DNAH5: variants seen among roughly 807,000 people sequenced by gnomAD.
DNAH5 encodes axonemal beta dynein heavy chain 5.
In DNAH5, 372 loss-of-function variants were observed where a neutral mutation model predicts 518.2. That is an observed-to-expected ratio of 0.72 (90% CI 0.66 to 0.78). The LOEUF (loss-of-function observed/expected upper bound fraction) is 0.78, where lower values mean the gene tolerates loss of function less well. DNAH5 is among the 30% of genes least tolerant of loss of function. The probability of loss-of-function intolerance (pLI) is 0.00; values close to 1 mark genes in which losing one functional copy is unlikely to be tolerated. For synonymous variants in DNAH5, 2,039 were observed against 2,025.9 expected (o/e 1.01, Z -0.17); for missense variants, 5,523 against 5,687.0 (o/e 0.97, Z 0.93).
At chr5:13,790,162 G>T (rs763913547) in intron 50 of DNAH5, among the ~76,000 whole-genome samples, 1 of 152,120 alleles carries the variant, frequency 6.6e-6, no homozygotes, top group Non-Finnish European at 1.5e-5. Context: ...AGAGCTAAAA[G>T]CAGAACTACC....
intron 47 of DNAH5, among the ~76,000 whole-genome samples, chr5:13,800,368 GCATATTCAAA>G (rs1758560692): frequency 6.6e-6 from 1 of 152,146 alleles, no homozygotes; most frequent in South Asian, 2.1e-4. Context: ...ACAAAAATAA[GCATATTCAAA>G]CATAAACTCC....
At chr5:13,879,157 A>G (rs1182959396) in intron 21 of DNAH5, among the ~76,000 whole-genome samples, 2 of 152,232 alleles carry the variant, frequency 1.3e-5, no homozygotes, top group Non-Finnish European at 2.9e-5. Flanking sequence ...TATAATACAC[A>G]GAAACCAACA....
At chr5:13,900,169 T>A (rs1407842523) in intron 15 of DNAH5, 37 bp downstream of exon 15, 3 of 1,542,130 alleles carry the variant, frequency 1.9e-6, no homozygotes, top group African/African-American at 1.4e-5. Flanking sequence ...ATTCCAGAGC[T>A]AGCCAAGAAT....
At chr5:13,825,539 G>A (rs1010963949) in intron 38 of DNAH5, among the ~76,000 whole-genome samples, 9 of 152,006 alleles carry the variant, frequency 5.9e-5, no homozygotes, top group African/African-American at 2.2e-4. Context: ...AAAAAGAAAG[G>A]ACATCCTGTC....
In DNAH5 at chr5:13,810,124, G is replaced by GTCCC. The variant is rs1196559591; in HGVS notation, c.7540_7543dup (p.Thr2515ArgfsTer41). On this transcript the variant is annotated frameshift_variant, in exon 45 of 79. Coordinates refer to ENST00000265104, the MANE Select transcript of DNAH5 (RefSeq NM_001369.3). LOFTEE classifies it high-confidence loss of function. ...CCCCGCTGGCGGCGGCAGCTCCAGCGTCCCTGTGGGCCGAGAGCGCAGCCA... is the reference window on the plus strand; with the variant it reads ...CCCCGCTGGCGGCGGCAGCTCCAGCGTCCCTCCCTGTGGGCCGAGAGCGCAGCCA... 6 of 1,550,364 alleles carry GTCCC rather than the reference G, an allele frequency of 3.9e-6. No individual in the cohort carries two copies. Among genetic ancestry groups the GTCCC allele is most frequent in the Non-Finnish European group, 5.2e-6 (6 of 1,147,074 alleles).
At chr5:13,909,674 T>C (rs1775751320) in intron 12 of DNAH5, among the ~76,000 whole-genome samples, 1 of 152,220 alleles carries the variant, frequency 6.6e-6, no homozygotes. Context: ...ATCAGAGTAG[T>C]ATTCTTTCCT....
intron 75 of DNAH5, among the ~76,000 whole-genome samples, chr5:13,710,332 C>T (rs1245062538): frequency 2.0e-5 from 3 of 152,142 alleles, no homozygotes; most frequent in African/African-American, 7.2e-5. Context: ...AGCCTAAGAC[C>T]TTCTCTCTGA....
chr5:13,751,232 A>G lies in DNAH5; in HGVS notation c.11057T>C (p.Val3686Ala), dbSNP rs1750176019. The G allele has an allele frequency of 6.2e-7, 1 of 1,613,838 alleles. No homozygotes were observed. The highest frequency in any genetic ancestry group is 1.7e-5 in the Admixed American group (1 of 59,970). ...KVKVGDKEVD[V>A]LDGFRLYITT... is the part of the protein sequence containing the mutation. ...AATGTAGAGTCTAAAGCCATCCAACACATCTACTTCCTTGTCACCAACTTT... is the reference window on the plus strand; with the variant it reads ...AATGTAGAGTCTAAAGCCATCCAACGCATCTACTTCCTTGTCACCAACTTT... The change falls in exon 65 of 79, where the codon GTG (valine) becomes GCG (alanine). Residue 3686 changes from valine to alanine, a missense_variant. By Grantham distance (64) the Val-to-Ala change is moderately conservative. Around this residue, in one of 3 missense-constraint regions of DNAH5, gnomAD observed 5,121 missense variants for 5,223.3 expected, o/e 0.98. Transcript: ENST00000265104.
At chr5:13,757,704 A>T (rs553479483) in intron 61 of DNAH5, among the ~76,000 whole-genome samples, 7 of 152,184 alleles carry the variant, frequency 4.6e-5, no homozygotes, top group South Asian at 2.1e-4. Flanking sequence ...TTCACAATTT[A>T]AAAAAAATCT....
chr5:14,002,322 T>A (rs919842133), intron 1 of DNAH5, among the ~76,000 whole-genome samples: 2 of 152,204 alleles, frequency 1.3e-5, no homozygotes, highest in Admixed American at 6.5e-5. Context: ...TCTGAAGAGA[T>A]CATTATGTTT....
intron 39 of DNAH5, among the ~76,000 whole-genome samples, chr5:13,823,862 G>A (rs6883784): frequency 0.41 from 62,716 of 151,960 alleles, 13,263 homozygotes; most frequent in East Asian, 0.61. Flanking sequence ...CACTTGTAGA[G>A]TTTACACATT....
chr5:13,730,788 C>T (rs1746425128), intron 68 of DNAH5, among the ~76,000 whole-genome samples: 1 of 151,634 alleles, frequency 6.6e-6, no homozygotes, highest in Non-Finnish European at 1.5e-5. Flanking sequence ...ACAACATCTG[C>T]CTCCCAGGTT....
At chr5:13,926,941 G>A (rs985424208) in intron 3 of DNAH5, among the ~76,000 whole-genome samples, 6 of 152,164 alleles carry the variant, frequency 3.9e-5, no homozygotes, top group African/African-American at 1.4e-4. Context: ...CAAATTGACA[G>A]CTTTGAGAAA....
chr5:13,850,943 A>C lies in DNAH5; in HGVS notation c.4951-128T>G, dbSNP rs1244013696. 3.4e-6 allele frequency: 3 copies of C among 878,586 alleles called. No homozygotes were observed. In the Admixed American group the frequency reaches 5.2e-5, roughly 15 times the overall value. 54.4% of individuals were successfully genotyped at this position (878,586 alleles called of 1,614,324 possible). Reference sequence around the variant, plus strand: ...CCAGATATCCAAGCAATATATGCCTAATGTCACACACATTTTATTGAAGTT... The same window carrying C: ...CCAGATATCCAAGCAATATATGCCTCATGTCACACACATTTTATTGAAGTT... On this transcript the variant is annotated intron_variant, in intron 30 of 78. Coordinates refer to ENST00000265104, the MANE Select transcript of DNAH5 (RefSeq NM_001369.3).
chr5:13,825,448 T>C (rs923927948), intron 38 of DNAH5, among the ~76,000 whole-genome samples: 5 of 151,944 alleles, frequency 3.3e-5, no homozygotes, highest in Non-Finnish European at 4.4e-5. Flanking sequence ...AGCCAAGAGG[T>C]GGAAGCAACC....
intron 68 of DNAH5, among the ~76,000 whole-genome samples, chr5:13,734,388 A>G (rs1476164765): frequency 6.6e-6 from 1 of 152,180 alleles, no homozygotes; most frequent in Non-Finnish European, 1.5e-5. Flanking sequence ...TTTTCAAGAC[A>G]TTCAAGAATG....
chr5:13,826,592 G>A (rs1762921950), intron 38 of DNAH5, among the ~76,000 whole-genome samples: 1 of 152,316 alleles, frequency 6.6e-6, no homozygotes, highest in Admixed American at 6.5e-5. Flanking sequence ...GAAGAAGAAT[G>A]TGTTGCTTCC....
intron 56 of DNAH5, 119 bp downstream of exon 56, chr5:13,770,630 C>T (rs775601106): frequency 2.5e-4 from 220 of 869,484 alleles, no homozygotes; most frequent in Non-Finnish European, 3.6e-4. Flanking sequence ...CCTGCCCTGC[C>T]GCCACAGCTA....
intron 22 of DNAH5, among the ~76,000 whole-genome samples, chr5:13,873,809 T>C (rs1770490149): frequency 6.6e-6 from 1 of 152,142 alleles, no homozygotes; most frequent in Admixed American, 6.5e-5. Flanking sequence ...CCAAAAAATT[T>C]GTCTCTTCAT....
Sources: gnomAD v4.1 joint callset for allele counts (sites outside exome capture counted in the v4.1 genomes callset) on GRCh38, gnomAD v4.1.1 for gene constraint, gnomAD v4.1.1 regional missense constraint, MANE v1.5 for transcripts, NCBI Gene and HGNC (gene_info 2026-07-23, HGNC 2026-07-21) for gene names.